TXNRD1: variants seen among roughly 807,000 people sequenced by gnomAD.
TXNRD1 encodes the protein thioredoxin reductase 1.
A neutral mutation model predicts 80.3 loss-of-function variants in TXNRD1; 57 were observed. The observed-to-expected ratio is 0.71, with a 90% CI of 0.57 to 0.89. The LOEUF (loss-of-function observed/expected upper bound fraction) is 0.89. Ranked by LOEUF, TXNRD1 falls within the 40% of genes least tolerant of loss-of-function variation. TXNRD1 has a pLI of 0.00. For synonymous variants in TXNRD1, 291 were observed against 285.2 expected (o/e 1.02, Z -0.20); for missense variants, 730 against 803.0 (o/e 0.91, Z 1.10).
At chr12:104,250,913 T>C (rs1593707709) in intron 1 of TXNRD1, among the ~76,000 whole-genome samples, 1 of 152,202 alleles carries the variant, frequency 6.6e-6, no homozygotes, top group East Asian at 1.9e-4. Flanking sequence ...AGTGCTGTCA[T>C]GTGGGAATAA....
chr12:104,323,434 C>T (rs1341137758), intron 10 of TXNRD1, among the ~76,000 whole-genome samples: 4 of 133,944 alleles, frequency 3.0e-5, no homozygotes, highest in East Asian at 2.3e-4. Context: ...CCGGACGGGG[C>T]GGCTGGCCGG....
chr12:104,333,326 A>T (rs1407659977), intron 14 of TXNRD1, among the ~76,000 whole-genome samples: 3 of 151,974 alleles, frequency 2.0e-5, no homozygotes, highest in Non-Finnish European at 2.9e-5. Flanking sequence ...TAAGTTTTTT[A>T]AAATTTGCTT....
intron 3 of TXNRD1, among the ~76,000 whole-genome samples, chr12:104,279,908 CA>C (rs1233384957): frequency 6.6e-6 from 1 of 151,764 alleles, no homozygotes; most frequent in African/African-American, 2.4e-5. Flanking sequence ...ACTGAAAATA[CA>C]AAAATTAGCT....
At chr12:104,288,374 G>A (rs2034048158) in intron 3 of TXNRD1, among the ~76,000 whole-genome samples, 1 of 152,168 alleles carries the variant, frequency 6.6e-6, no homozygotes, top group African/African-American at 2.4e-5. Context: ...TACCATTAGT[G>A]CCTAGTTTCA....
At chr12:104,223,814 A>G (rs577735731) in intron 1 of TXNRD1, among the ~76,000 whole-genome samples, 1 of 152,324 alleles carries the variant, frequency 6.6e-6, no homozygotes, top group Non-Finnish European at 1.5e-5. Context: ...TGCATCTGGC[A>G]GCCAGCTTTG....
At chr12:104,331,271 G>C (rs1452288094) in intron 13 of TXNRD1, among the ~76,000 whole-genome samples, 1 of 152,120 alleles carries the variant, frequency 6.6e-6, no homozygotes, top group East Asian at 1.9e-4. Flanking sequence ...GATAACATCA[G>C]TTGGTTGATG....
At position 104,243,719 on chromosome 12, in the gene TXNRD1, A is replaced by G. The variant is rs77033429; in HGVS notation, c.92-7808A>G. Reference sequence around the variant, plus strand: ...GTGCATGACAAACCTGTAAACCAGAAAGTGAAGACAGCAGGCAGAGTGGCG... The same window carrying G: ...GTGCATGACAAACCTGTAAACCAGAGAGTGAAGACAGCAGGCAGAGTGGCG... On this transcript the variant is annotated intron_variant, in intron 1 of 16. Coordinates refer to ENST00000525566, the MANE Select transcript of TXNRD1 (RefSeq NM_001093771.3). Among the ~76,000 whole-genome samples, 717 of 152,322 alleles carry G rather than the reference A, an allele frequency of 4.7e-3. 9 individuals are homozygous for G. Among genetic ancestry groups the G allele is most frequent in the African/African-American group, 0.016 (682 of 41,576 alleles).
At chr12:104,237,066 C>CA (rs1252467085) in intron 1 of TXNRD1, among the ~76,000 whole-genome samples, 2 of 151,876 alleles carry the variant, frequency 1.3e-5, no homozygotes, top group Non-Finnish European at 2.9e-5. Flanking sequence ...AGAAACAAAT[C>CA]AAAAAAACCT....
At chr12:104,288,864 C>A (rs1331672810) in intron 3 of TXNRD1, 67 bp from the exon 4 acceptor site, 3 of 1,613,034 alleles carry the variant, frequency 1.9e-6, no homozygotes, top group Non-Finnish European at 2.5e-6. Context: ...CCGCCCCCGG[C>A]GCAGTTCCCG....
chr12:104,298,584 C>T (rs1221144571), intron 4 of TXNRD1, among the ~76,000 whole-genome samples: 4 of 151,940 alleles, frequency 2.6e-5, no homozygotes, highest in Non-Finnish European at 5.9e-5. Context: ...CTTAGCTGGG[C>T]GCGGTGGCAC....
intron 3 of TXNRD1, among the ~76,000 whole-genome samples, chr12:104,268,253 T>C (rs1451107842): frequency 6.6e-6 from 1 of 150,790 alleles, no homozygotes; most frequent in African/African-American, 2.4e-5. Context: ...GGCTCACGCC[T>C]GTAATCCCAG....
rs751911680 is a variant in TXNRD1 at position 104,236,265 on chromosome 12, G to A, written c.92-15262G>A. 6.2e-4 allele frequency among the ~76,000 whole-genome samples: 94 copies of A among 152,314 alleles called. 1 individual carries two copies. In the Middle Eastern group the frequency reaches 0.024, roughly 39 times the overall value. Reference sequence around the variant, plus strand: ...AAACAAAATGGAATTGTTTGGGTCAGATCTCTTTCACTGTCTCAGTCACAA... The same window carrying A: ...AAACAAAATGGAATTGTTTGGGTCAAATCTCTTTCACTGTCTCAGTCACAA... On this transcript the variant is annotated intron_variant, in intron 1 of 16. Coordinates refer to ENST00000525566, the MANE Select transcript of TXNRD1 (RefSeq NM_001093771.3).
chr12:104,265,288 G>A lies in TXNRD1; in HGVS notation c.304+7209G>A, dbSNP rs980498393. On this transcript the variant is annotated intron_variant, in intron 3 of 16. Transcript: ENST00000525566. ...AAAAAAACTTCCTTTTGCGGGTGGCGGCGAACGCGGAGAGCACGCCATGAA... is the reference window on the plus strand; with the variant it reads ...AAAAAAACTTCCTTTTGCGGGTGGCAGCGAACGCGGAGAGCACGCCATGAA... 6.2e-5 allele frequency: 97 copies of A among 1,572,456 alleles called. No homozygotes were observed. In the African/African-American group the frequency reaches 7.6e-4, roughly 12 times the overall value.
At chr12:104,255,117 A>T (rs865899829) in intron 2 of TXNRD1, among the ~76,000 whole-genome samples, 163 of 151,940 alleles carry the variant, frequency 1.1e-3, no homozygotes, top group Admixed American at 1.6e-3. Flanking sequence ...ATAAATAAAT[A>T]AAAAAAATAA....
intron 16 of TXNRD1, among the ~76,000 whole-genome samples, chr12:104,347,783 C>T (rs17035372): frequency 0.034 from 5,103 of 152,168 alleles, 285 homozygotes; most frequent in African/African-American, 0.11. Context: ...GTGATTGACT[C>T]GAACTCCATT....
At chr12:104,253,140 ACT>A (rs1049242527) in intron 2 of TXNRD1, among the ~76,000 whole-genome samples, 10 of 150,312 alleles carry the variant, frequency 6.7e-5, no homozygotes, top group African/African-American at 2.0e-4. Context: ...GGCTTTTTGG[ACT>A]CTCTCTCTCT....
At chr12:104,326,839 T>G (rs1286409159) in intron 12 of TXNRD1, among the ~76,000 whole-genome samples, 2 of 151,750 alleles carry the variant, frequency 1.3e-5, no homozygotes, top group Non-Finnish European at 2.9e-5. Flanking sequence ...TTTTTGTTGG[T>G]ATGTTTGTTT....
At chr12:104,296,463 G>A (rs956313732) in intron 4 of TXNRD1, among the ~76,000 whole-genome samples, 3 of 152,048 alleles carry the variant, frequency 2.0e-5, no homozygotes, top group South Asian at 2.1e-4. Flanking sequence ...GCTGGAGTGC[G>A]GTGGCACTAT....
rs138705097 is a variant in TXNRD1 at position 104,250,736 on chromosome 12, T to G, written c.92-791T>G. 1.5e-3 allele frequency among the ~76,000 whole-genome samples: 224 copies of G among 152,328 alleles called. 1 individual carries two copies. The highest frequency in any genetic ancestry group is 5.1e-3 in the African/African-American group (212 of 41,574). ...GATTGAAGAAGGATGAATGGCTTAC[T>G]TGGATCAGCAGAAATGAGAAGAAAT... is the stretch of plus-strand genomic sequence containing the variant. On this transcript the variant is annotated intron_variant, in intron 1 of 16. Coordinates refer to ENST00000525566, the MANE Select transcript of TXNRD1 (RefSeq NM_001093771.3).
Sources: gnomAD v4.1 joint callset for allele counts (sites outside exome capture counted in the v4.1 genomes callset) on GRCh38, gnomAD v4.1.1 for gene constraint, MANE v1.5 for transcripts, NCBI Gene and HGNC (gene_info 2026-07-23, HGNC 2026-07-21) for gene names.